Variants in ZNF800 observed in about 807,000 individuals in gnomAD.
ZNF800 encodes the protein zinc finger protein 800.
In ZNF800, 13 loss-of-function variants were observed where a neutral mutation model predicts 59.5. The ratio of observed to expected loss-of-function variants is 0.22; its 90% CI spans 0.14 to 0.35. ZNF800 has a LOEUF of 0.35. Among genes scored for constraint, ZNF800 ranks in the 10% least tolerant of loss-of-function variants. ZNF800 has a pLI of 1.00. For synonymous variants in ZNF800, 266 were observed against 265.7 expected, an observed-to-expected ratio of 1.00 and a Z score of -0.01; for missense variants, 621 against 783.7, an observed-to-expected ratio of 0.79 and a Z score of 2.48.
intron 1 of ZNF800, among the ~76,000 whole-genome samples, chr7:127,357,245 AAGG>A (rs1279123854): frequency 2.0e-5 from 3 of 152,054 alleles, no homozygotes; most frequent in Non-Finnish European, 4.4e-5. Context: ...TTCCTCCAGA[AAGG>A]AGGTGGAAAA....
At chr7:127,344,247 T>G (rs1389497069), downstream of ZNF800, among the ~76,000 whole-genome samples, 2 of 151,356 alleles carry the variant, frequency 1.3e-5, no homozygotes, top group Admixed American at 1.3e-4. Flanking sequence ...CCAGAAGGAG[T>G]AGCCACTAAT....
At chr7:127,388,340 C>T (rs953847803) in intron 2 of ZNF800, among the ~76,000 whole-genome samples, 3 of 152,156 alleles carry the variant, frequency 2.0e-5, no homozygotes, top group African/African-American at 7.2e-5. Flanking sequence ...AGTTTGTAAA[C>T]AGACCAGTAT....
chr7:127,384,956 T>C (rs1801094761), intron 3 of ZNF800, among the ~76,000 whole-genome samples: 1 of 152,162 alleles, frequency 6.6e-6, no homozygotes, highest in Non-Finnish European at 1.5e-5. Flanking sequence ...GCTTCCTAAA[T>C]TAAATACAGA....
At chr7:127,363,208 G>A (rs929029791) in intron 1 of ZNF800, 26 of 152,054 alleles carry the variant, frequency 1.7e-4, no homozygotes, top group Non-Finnish European at 2.9e-5. Context: ...ATGTGGAGAT[G>A]TCTGACATTC....
At position 127,392,394 on chromosome 7, in the gene ZNF800, CGAA is replaced by C; in HGVS notation, c.-396_-394del. 1 of 380,172 alleles carries C rather than the reference CGAA, an allele frequency of 2.6e-6. No homozygotes were observed. 23.5% of individuals were successfully genotyped at this position (380,172 alleles called of 1,614,324 possible). ...CGGCAGCAGCTGCCGCCGCCACCAC[CGAA>C]GGAGCCGGAACCGGAGCGGGCAGGA... On this transcript the variant is annotated 5_prime_UTR_variant, in exon 1 of 6. Transcript: ENST00000265827.
intron 1 of ZNF800, chr7:127,364,009 A>G (rs1231319383): frequency 1.3e-5 from 2 of 152,070 alleles, no homozygotes; most frequent in Non-Finnish European, 2.9e-5. Context: ...GCTTTATGTA[A>G]TTGTATATTT....
chr7:127,392,288 G>GGCGGCGGCTC lies in ZNF800; in HGVS notation c.-297_-288dup. 5.1e-6 allele frequency: 2 copies of GGCGGCGGCTC among 390,536 alleles called. No homozygotes were observed. The highest frequency in any genetic ancestry group is 2.1e-5 in the African/African-American group (1 of 48,320). 24.2% of individuals were successfully genotyped at this position (390,536 alleles called of 1,614,324 possible). ...TCCCTCCGCGGGCCGAGACGACTGC[G>GGCGGCGGCTC]GCGGCGGCTCACGGCGTCCTCCGCG... On this transcript the variant is annotated 5_prime_UTR_variant, in exon 1 of 6. Coordinates refer to ENST00000265827, the MANE Select transcript of ZNF800 (RefSeq NM_176814.5).
At chr7:127,358,312 T>C (rs1045183960) in intron 1 of ZNF800, among the ~76,000 whole-genome samples, 1 of 151,908 alleles carries the variant, frequency 6.6e-6, no homozygotes, top group Non-Finnish European at 1.5e-5. Flanking sequence ...GAAAATTTCA[T>C]TTCTGAAATA....
intron 2 of ZNF800, among the ~76,000 whole-genome samples, chr7:127,389,190 G>C (rs1012328762): frequency 1.3e-5 from 2 of 152,138 alleles, no homozygotes; most frequent in Non-Finnish European, 2.9e-5. Context: ...GGGGAATTGG[G>C]GGAGGAGGGG....
chr7:127,355,719 A>C (rs532882500), intron 1 of ZNF800, among the ~76,000 whole-genome samples: 157 of 152,218 alleles, frequency 1.0e-3, no homozygotes, highest in Non-Finnish European at 1.7e-3. Context: ...AACTTGGCTA[A>C]AAATATTAAA....
intron 3 of ZNF800, among the ~76,000 whole-genome samples, chr7:127,380,745 A>C (rs1268455241): frequency 6.6e-6 from 1 of 152,214 alleles, no homozygotes; most frequent in Non-Finnish European, 1.5e-5. Context: ...ACAGAGAGCC[A>C]TGCTGACTTC....
chr7:127,379,851 C>G (rs1800910383), intron 3 of ZNF800, among the ~76,000 whole-genome samples: 1 of 47,612 alleles, frequency 2.1e-5, no homozygotes, highest in Admixed American at 2.0e-4. Flanking sequence ...CCCACCCCCC[C>G]ACCCCCCCCA....
At chr7:127,344,232 T>G (rs1800019209), downstream of ZNF800, among the ~76,000 whole-genome samples, 1 of 151,904 alleles carries the variant, frequency 6.6e-6, no homozygotes, top group Non-Finnish European at 1.5e-5. Flanking sequence ...ATAAATAGCT[T>G]GACCCCAGAA....
At chr7:127,390,227 A>T (rs191813220) in intron 2 of ZNF800, among the ~76,000 whole-genome samples, 13 of 152,322 alleles carry the variant, frequency 8.5e-5, no homozygotes, top group Admixed American at 3.3e-4. Context: ...AATGGCACTC[A>T]CATCTGTATA....
At chr7:127,384,392 C>A (rs1034976957) in intron 3 of ZNF800, among the ~76,000 whole-genome samples, 3 of 151,560 alleles carry the variant, frequency 2.0e-5, no homozygotes, top group African/African-American at 7.3e-5. Context: ...CGCCGCCGCC[C>A]CCCAGCTAAT....
At chr7:127,344,607 A>C (rs889428229), downstream of ZNF800, among the ~76,000 whole-genome samples, 2 of 152,146 alleles carry the variant, frequency 1.3e-5, no homozygotes, top group Non-Finnish European at 2.9e-5. Context: ...ATTGAAACTT[A>C]ACACACAGTA....
intron 1 of ZNF800, chr7:127,362,247 A>C (rs1339015958): frequency 6.6e-6 from 1 of 152,152 alleles, no homozygotes; most frequent in Admixed American, 6.5e-5. Flanking sequence ...AATAGCCTCC[A>C]TGAGACAAGT....
chr7:127,361,331 G>A (rs1464256327), intron 1 of ZNF800: 2 of 151,976 alleles, frequency 1.3e-5, no homozygotes, highest in East Asian at 1.9e-4. Flanking sequence ...TAATCCCATC[G>A]CTTTGTGAAG....
chr7:127,371,789 C>A lies in ZNF800; in HGVS notation c.*25G>T. The stretch of plus-strand genomic sequence containing the variant: ...TCTTTCCACAAAAATGAACTCCAAA[C>A]CTTTTCGTACATCACTTGAAGTTAT... On this transcript the variant is annotated 3_prime_UTR_variant, in exon 6 of 6. Transcript: ENST00000265827. 1.3e-6 allele frequency: 1 copy of A among 764,848 alleles called. No individual in the cohort carries two copies. The highest frequency in any genetic ancestry group is 1.7e-5 in the African/African-American group (1 of 58,432). 47.4% of individuals were successfully genotyped at this position (764,848 alleles called of 1,614,324 possible).
Sources: gnomAD v4.1 joint callset for allele counts (sites outside exome capture counted in the v4.1 genomes callset) on GRCh38, gnomAD v4.1.1 for gene constraint, MANE v1.5 for transcripts, NCBI Gene and HGNC (gene_info 2026-07-23, HGNC 2026-07-21) for gene names.